The following SUGCT variants were observed in gnomAD, a reference collection of about 807,000 sequenced individuals.
SUGCT encodes the protein succinyl-CoA:glutarate CoA-transferase.
SUGCT carries 41 observed loss-of-function variants against 55.0 expected under a neutral mutation model. The ratio of observed to expected loss-of-function variants is 0.74; its 90% CI spans 0.58 to 0.97. The LOEUF (loss-of-function observed/expected upper bound fraction) is 0.97. Ranked by LOEUF, SUGCT falls within the 50% of genes least tolerant of loss-of-function variation. The pLI is 0.00. For synonymous variants in SUGCT, 187 were observed against 200.4 expected, an observed-to-expected ratio of 0.93 and a Z score of 0.56; for missense variants, 568 against 547.8, an observed-to-expected ratio of 1.04 and a Z score of -0.37.
intron 9 of SUGCT, among the ~76,000 whole-genome samples, chr7:40,333,039 T>C (rs111764177): frequency 2.6e-5 from 4 of 152,248 alleles, no homozygotes; most frequent in African/African-American, 7.2e-5. Flanking sequence ...ACGTAAATGC[T>C]AAAAGCATAA....
chr7:40,564,965 G>T (rs1796044485), intron 12 of SUGCT, among the ~76,000 whole-genome samples: 1 of 152,200 alleles, frequency 6.6e-6, no homozygotes, highest in Admixed American at 6.5e-5. Context: ...AGTAGCTCAA[G>T]ATCCAATTTC....
At chr7:40,905,617 G>A in the SUGCT span, among the ~76,000 whole-genome samples, 3 of 151,648 alleles carry the variant, frequency 2.0e-5, no homozygotes, top group Non-Finnish European at 4.4e-5. Context: ...GTGTACTCAG[G>A]GTCTAGAACA....
intron 13 of SUGCT, among the ~76,000 whole-genome samples, chr7:40,801,609 TGA>T (rs1300284040): frequency 1.3e-5 from 2 of 152,236 alleles, no homozygotes; most frequent in East Asian, 3.9e-4. Flanking sequence ...AAATGAAGAC[TGA>T]GTTTTTTCAC....
At chr7:40,374,551 A>G (rs564202919) in intron 9 of SUGCT, among the ~76,000 whole-genome samples, 21 of 152,162 alleles carry the variant, frequency 1.4e-4, no homozygotes, top group Non-Finnish European at 2.4e-4. Flanking sequence ...TAAAATCTAG[A>G]CATATATGGA....
chr7:41,010,809 A>T, the SUGCT span, among the ~76,000 whole-genome samples: 1 of 152,246 alleles, frequency 6.6e-6, no homozygotes, highest in African/African-American at 2.4e-5. Context: ...GAAAAAAAAT[A>T]AAACGATGTG....
chr7:40,592,625 C>T (rs1483595638), intron 12 of SUGCT, among the ~76,000 whole-genome samples: 1 of 152,102 alleles, frequency 6.6e-6, no homozygotes, highest in Non-Finnish European at 1.5e-5. Flanking sequence ...TAAAGTAGTG[C>T]CAGGGGCTTT....
intron 1 of SUGCT, among the ~76,000 whole-genome samples, chr7:40,162,613 A>T (rs1249371971): frequency 6.6e-6 from 1 of 152,150 alleles, no homozygotes; most frequent in African/African-American, 2.4e-5. Context: ...AGTAGCTGGG[A>T]CCACAGGCAT....
At chr7:40,672,585 G>A (rs2151873060) in intron 12 of SUGCT, among the ~76,000 whole-genome samples, 1 of 152,320 alleles carries the variant, frequency 6.6e-6, no homozygotes, top group East Asian at 1.9e-4. Context: ...GGAAGTGGAT[G>A]TGGGTGTCAA....
chr7:40,280,884 C>T (rs933205692), intron 8 of SUGCT, among the ~76,000 whole-genome samples: 7 of 152,072 alleles, frequency 4.6e-5, no homozygotes, highest in South Asian at 4.2e-4. Context: ...ACTTCTGGTG[C>T]GGGTCTTGCC....
At chr7:40,916,202 C>T in the SUGCT span, among the ~76,000 whole-genome samples, 3 of 152,080 alleles carry the variant, frequency 2.0e-5, no homozygotes, top group Non-Finnish European at 4.4e-5. Flanking sequence ...TCACCTGTTT[C>T]TTCTTCTTTC....
At chr7:40,604,125 C>A (rs377487228) in intron 12 of SUGCT, among the ~76,000 whole-genome samples, 1 of 152,100 alleles carries the variant, frequency 6.6e-6, no homozygotes, top group East Asian at 1.9e-4. Flanking sequence ...GCAGGCTTCT[C>A]GTTTCTGTGC....
At chr7:40,187,357 G>A (rs533029378) in intron 3 of SUGCT, among the ~76,000 whole-genome samples, 2 of 152,144 alleles carry the variant, frequency 1.3e-5, no homozygotes, top group South Asian at 2.1e-4. Context: ...AATGGGTGCA[G>A]CACACCAACA....
At chr7:40,738,846 G>A (rs1412042687) in intron 12 of SUGCT, among the ~76,000 whole-genome samples, 2 of 152,132 alleles carry the variant, frequency 1.3e-5, no homozygotes, top group Admixed American at 6.5e-5. Context: ...GATAAAGTAT[G>A]CCATTATTCC....
intron 13 of SUGCT, among the ~76,000 whole-genome samples, chr7:40,854,428 C>CTTTT (rs1794043809): frequency 2.3e-5 from 3 of 129,482 alleles, no homozygotes; most frequent in African/African-American, 9.3e-5. Flanking sequence ...TCCTTTCTTT[C>CTTTT]TTTCTTTCTT....
chr7:40,225,403 T>A (rs1788279984), intron 6 of SUGCT, among the ~76,000 whole-genome samples: 1 of 152,020 alleles, frequency 6.6e-6, no homozygotes, highest in African/African-American at 2.4e-5. Context: ...TAAACCATAT[T>A]AATCAGATTT....
At chr7:40,950,927 T>C in the SUGCT span, among the ~76,000 whole-genome samples, 3 of 152,136 alleles carry the variant, frequency 2.0e-5, no homozygotes, top group Non-Finnish European at 4.4e-5. Context: ...TCTTTTTTTT[T>C]GTTGTGTCTC....
chr7:40,754,405 G>A (rs1788156949), intron 13 of SUGCT, among the ~76,000 whole-genome samples: 1 of 152,170 alleles, frequency 6.6e-6, no homozygotes, highest in South Asian at 2.1e-4. Flanking sequence ...AATATAACCT[G>A]TATTGAGTGC....
the SUGCT span, among the ~76,000 whole-genome samples, chr7:40,896,592 T>G: frequency 1.3e-5 from 2 of 152,204 alleles, no homozygotes; most frequent in Admixed American, 1.3e-4. Flanking sequence ...TTTCCCCTTT[T>G]GCTCGGCACT....
At chr7:40,509,835 G>A (rs557361222) in intron 12 of SUGCT, among the ~76,000 whole-genome samples, 2 of 152,258 alleles carry the variant, frequency 1.3e-5, no homozygotes, top group South Asian at 4.1e-4. Flanking sequence ...TCAAATAGCT[G>A]CTCCTTGTAT....
Sources: allele counts gnomAD v4.1 joint callset (sites outside exome capture counted in the v4.1 genomes callset), GRCh38; gene constraint gnomAD v4.1.1; transcripts MANE v1.5; gene names NCBI Gene and HGNC (gene_info 2026-07-23, HGNC 2026-07-21).